ETV7: variants seen among roughly 807,000 people sequenced by gnomAD.
ETV7 encodes the protein ETS variant transcription factor 7.
Under a neutral mutation model 39.1 loss-of-function variants are expected in ETV7, and 43 were observed. The observed-to-expected ratio is 1.10, with a 90% CI of 0.86 to 1.42. The LOEUF is 1.42. ETV7 is among the 40% of genes most tolerant of loss of function. ETV7 has a pLI of 0.00. For missense variants in ETV7, 432 were observed against 442.3 expected (o/e 0.98, Z 0.21); for synonymous variants, 196 against 176.6 (o/e 1.11, Z -0.87).
At chr6:36,376,158 C>A in intron 2 of ETV7, 123 bp from the exon 3 acceptor site, 1 of 789,750 alleles carries the variant, frequency 1.3e-6, no homozygotes, top group Non-Finnish European at 2.0e-6. Context: ...CATCTTCTGT[C>A]GCTGCCACCT....
Position 36,384,270 on chromosome 6 carries a change from G to A in ETV7, c.142+1264C>T, listed in dbSNP as rs191794297. 2.4e-3 allele frequency among the ~76,000 whole-genome samples: 369 copies of A among 152,234 alleles called. 5 individuals are homozygous for A. The highest frequency in any genetic ancestry group is 7.8e-4 in the Non-Finnish European group (53 of 68,018). ...TCTAATCTAGGAGAAAATAGGCCAC[G>A]GTGACCTGCACCCTGAGTTATGCAA... On this transcript the variant is annotated intron_variant, in intron 2 of 7. Coordinates refer to ENST00000340181, the MANE Select transcript of ETV7 (RefSeq NM_016135.4).
intron 2 of ETV7, among the ~76,000 whole-genome samples, chr6:36,383,616 A>C (rs1012035588): frequency 6.6e-6 from 1 of 152,226 alleles, no homozygotes; most frequent in African/African-American, 2.4e-5. Flanking sequence ...CCCAGCTTCC[A>C]GAAATTTAGG....
intron 7 of ETV7, among the ~76,000 whole-genome samples, chr6:36,359,422 G>A (rs1318544672): frequency 6.6e-6 from 1 of 150,770 alleles, no homozygotes; most frequent in African/African-American, 2.5e-5. Flanking sequence ...TTGCTCTCCA[G>A]CCTGGGTAAC....
At chr6:36,364,701 G>A (rs1391525507), downstream of ETV7, among the ~76,000 whole-genome samples, 55 of 152,304 alleles carry the variant, frequency 3.6e-4, 1 homozygote, top group Admixed American at 2.9e-3. Flanking sequence ...TGGGATGAAG[G>A]GCTCCTCAAG....
At chr6:36,375,788 C>T in intron 3 of ETV7, 83 bp downstream of exon 3, 1 of 1,601,624 alleles carries the variant, frequency 6.2e-7, no homozygotes, top group Non-Finnish European at 8.5e-7. Context: ...CTCCATCTCC[C>T]TCCCTGGGCC....
At chr6:36,383,803 T>C (rs1335001583) in intron 2 of ETV7, among the ~76,000 whole-genome samples, 1 of 152,268 alleles carries the variant, frequency 6.6e-6, no homozygotes, top group Admixed American at 6.5e-5. Context: ...TATTTGCAGA[T>C]GTTCCAATAA....
chr6:36,370,046 C>T (rs1017271093), intron 5 of ETV7, among the ~76,000 whole-genome samples: 1 of 152,158 alleles, frequency 6.6e-6, no homozygotes, highest in South Asian at 2.1e-4. Flanking sequence ...TTAGGGCATC[C>T]ATCACCTCAA....
chr6:36,371,184 C>T (rs1489827933), intron 5 of ETV7, 146 bp downstream of exon 5: 6 of 803,378 alleles, frequency 7.5e-6, no homozygotes, highest in Non-Finnish European at 1.2e-5. Context: ...TTGTGGCTAG[C>T]ACACAGGACA....
At chr6:36,373,740 G>A (rs946490977) in intron 3 of ETV7, among the ~76,000 whole-genome samples, 162 bp from the exon 4 acceptor site, 2 of 152,256 alleles carry the variant, frequency 1.3e-5, no homozygotes, top group African/African-American at 4.8e-5. Flanking sequence ...CAGGAGGCTG[G>A]GCTGGCAATG....
At chr6:36,368,720 A>G (rs1397737623) in intron 6 of ETV7, among the ~76,000 whole-genome samples, 1 of 152,170 alleles carries the variant, frequency 6.6e-6, no homozygotes, top group Non-Finnish European at 1.5e-5. Flanking sequence ...AGAAGACACA[A>G]TTGTTCAGTT....
chr6:36,375,458 A>G (rs189451456), intron 3 of ETV7, among the ~76,000 whole-genome samples: 5 of 152,204 alleles, frequency 3.3e-5, no homozygotes, highest in African/African-American at 9.6e-5. Context: ...CAAAAGTCAT[A>G]TTGGAAGTCA....
chr6:36,354,770 TAAC>T (rs142291137), intron 7 of ETV7: 19,114 of 653,576 alleles, frequency 0.029, 643 homozygotes, highest in East Asian at 0.13. Flanking sequence ...ATTGCCATCT[TAAC>T]AATCCAGGAA....
At position 36,373,592 on chromosome 6, in the gene ETV7, GGA is replaced by G; in HGVS notation, c.308-16_308-15del. 6.6e-7 allele frequency: 1 copy of G among 1,515,706 alleles called. No homozygotes were observed. The highest frequency in any genetic ancestry group is 2.2e-5 in the Admixed American group (1 of 44,914). The allele number at this position is 1,515,706 out of a possible 1,614,324, so 93.9% of individuals were successfully genotyped here. On this transcript the variant is annotated splice_polypyrimidine_tract_variant and intron_variant, in intron 3 of 7. Transcript: ENST00000340181. The stretch of plus-strand genomic sequence containing the variant: ...ACAGGACGTCACCTGGAGGTGGGTG[GGA>G]GGGAGGGCAGGCTGCTGAACAGGCC...
At chr6:36,354,147 C>T (rs761389158) in exon 8 of ETV7, 5 of 148,222 alleles carry the variant, frequency 3.4e-5, no homozygotes, top group Non-Finnish European at 5.9e-5. Flanking sequence ...ATCCTGGATA[C>T]AATTCTTTTA....
chr6:36,381,543 G>C (rs1234348317), intron 2 of ETV7, among the ~76,000 whole-genome samples: 2 of 152,164 alleles, frequency 1.3e-5, no homozygotes, highest in Non-Finnish European at 2.9e-5. Context: ...TGAAAACAGA[G>C]AGACTAGCTT....
chr6:36,385,803 G>A, intron 1 of ETV7, 134 bp from the exon 2 acceptor site: 1 of 916,106 alleles, frequency 1.1e-6, no homozygotes, highest in African/African-American at 1.7e-5. Context: ...AACCTTAAAG[G>A]TAGGAACCAT....
In ETV7 at chr6:36,373,473, T is replaced by C. The variant is rs1773141550; in HGVS notation, c.413A>G (p.His138Arg). 1 of 1,575,434 alleles carries C rather than the reference T, an allele frequency of 6.3e-7. No individual in the cohort carries two copies. Among genetic ancestry groups the C allele is most frequent in the Non-Finnish European group, 8.6e-7 (1 of 1,163,890 alleles). The stretch of plus-strand genomic sequence containing the variant: ...CTCACCTTCCGGGGGGACTGGAGAG[T>C]GCTGGGTGGGCGTCTTCAGCCTGAA... ...GIFRLKTPTQ[H>R]SPVPPEEVTG... The change falls in exon 4 of 8, where the codon CAC becomes CGC. Residue 138 changes from histidine (H) to arginine (R), a missense_variant. His to Arg is a conservative substitution (Grantham distance 29). Transcript: ENST00000340181.
At position 36,366,325 on chromosome 6, in the gene ETV7, C is replaced by T. The variant is rs1772713709; in HGVS notation, c.*320G>A. On this transcript the variant is annotated 3_prime_UTR_variant, in exon 8 of 8. Transcript: ENST00000340181. The stretch of plus-strand genomic sequence containing the variant: ...GAGGCTCAGTGAGGGACTTCATTCC[C>T]TTCATCTGGTAAATTCCATTTACAG... 8.7e-7 allele frequency: 1 copy of T among 1,151,058 alleles called. No individual in the cohort carries two copies. Among genetic ancestry groups the T allele is most frequent in the African/African-American group, 1.6e-5 (1 of 63,948 alleles). 71.3% of individuals were successfully genotyped at this position (1,151,058 alleles called of 1,614,324 possible).
At chr6:36,365,973 A>G (rs1160762256), downstream of ETV7, among the ~76,000 whole-genome samples, 1 of 152,178 alleles carries the variant, frequency 6.6e-6, no homozygotes, top group Non-Finnish European at 1.5e-5. Flanking sequence ...CAAGTTCGAT[A>G]CCAGCCTGGC....
Sources: allele counts gnomAD v4.1 joint callset (sites outside exome capture counted in the v4.1 genomes callset), GRCh38; gene constraint gnomAD v4.1.1; transcripts MANE v1.5; gene names NCBI Gene and HGNC (gene_info 2026-07-23, HGNC 2026-07-21).